Variants in LARGE1 observed in about 807,000 individuals in gnomAD.
LARGE1 encodes the protein xylosyl- and glucuronyltransferase LARGE1.
LARGE1 carries 43 observed loss-of-function variants against 87.6 expected under a neutral mutation model. The ratio of observed to expected loss-of-function variants is 0.49; its 90% CI spans 0.38 to 0.63. The LOEUF (loss-of-function observed/expected upper bound fraction) is 0.63. LARGE1 is among the 30% of genes least tolerant of loss of function. The pLI is 0.00. For missense variants in LARGE1, 802 were observed against 1,000.2 expected (o/e 0.80, Z 2.67); for synonymous variants, 434 against 394.6 (o/e 1.10, Z -1.18).
chr22:33,679,472 A>G (rs921058522), intron 2 of LARGE1, among the ~76,000 whole-genome samples: 7 of 151,412 alleles, frequency 4.6e-5, no homozygotes, highest in Non-Finnish European at 8.9e-5. Flanking sequence ...ACACACGCAC[A>G]CACACACACA....
At position 33,272,675 on chromosome 22, in the gene LARGE1, C is replaced by T. The variant is rs946459459; in HGVS notation, c.*1752G>A. On this transcript the variant is annotated 3_prime_UTR_variant, in exon 15 of 15. Transcript: ENST00000397394. ...AGTCCTAATGGTAATTTTCCTAATT[C>T]TTGTATAAATTTCCGTGTAACATCC... is the stretch of plus-strand genomic sequence containing the variant. Among the ~76,000 whole-genome samples the T allele has an allele frequency of 6.6e-6, 1 of 152,266 alleles. No homozygotes were observed. Among genetic ancestry groups the T allele is most frequent in the South Asian group, 2.1e-4 (1 of 4,826 alleles).
chr22:33,149,124 G>A, the LARGE1 span, among the ~76,000 whole-genome samples: 1 of 148,944 alleles, frequency 6.7e-6, no homozygotes, highest in Non-Finnish European at 1.5e-5. Flanking sequence ...TGCAATCTCC[G>A]CCTCCTGGTT....
intron 2 of LARGE1, chr22:33,732,589 A>G (rs1471091064): frequency 6.6e-6 from 1 of 152,330 alleles, no homozygotes; most frequent in Admixed American, 6.5e-5. Flanking sequence ...TCACTGACAC[A>G]TGCACAGTGC....
chr22:33,369,083 A>T (rs780153723), intron 9 of LARGE1, among the ~76,000 whole-genome samples: 8 of 152,200 alleles, frequency 5.3e-5, no homozygotes, highest in Non-Finnish European at 1.2e-4. Context: ...CTCTGTAGCA[A>T]TTGATGCAGT....
chr22:33,150,312 G>C, the LARGE1 span, among the ~76,000 whole-genome samples: 1 of 151,754 alleles, frequency 6.6e-6, no homozygotes, highest in Non-Finnish European at 1.5e-5. Flanking sequence ...ATTTGAGACT[G>C]ATCTCCCATC....
chr22:33,862,297 A>G (rs2063952655), intron 1 of LARGE1, among the ~76,000 whole-genome samples: 1 of 152,208 alleles, frequency 6.6e-6, no homozygotes, highest in South Asian at 2.1e-4. Flanking sequence ...CTGCCATGGG[A>G]GCAAAGGAAG....
At chr22:33,692,715 T>A (rs1393305579) in intron 2 of LARGE1, among the ~76,000 whole-genome samples, 1 of 152,240 alleles carries the variant, frequency 6.6e-6, no homozygotes, top group Non-Finnish European at 1.5e-5. Flanking sequence ...GTTCTGTAAC[T>A]CAATATTTAT....
chr22:33,110,922 A>G, the LARGE1 span, among the ~76,000 whole-genome samples: 1 of 152,210 alleles, frequency 6.6e-6, no homozygotes, highest in African/African-American at 2.4e-5. Context: ...AAAACAACAA[A>G]GGGGAAAATT....
intron 12 of LARGE1, among the ~76,000 whole-genome samples, chr22:33,297,979 CA>C (rs757656914): frequency 0.1 from 5,036 of 48,756 alleles, 144 homozygotes; most frequent in African/African-American, 0.26. Flanking sequence ...GACATCATCT[CA>C]AAAAAAAAAA....
chr22:33,118,449 G>T, the LARGE1 span, among the ~76,000 whole-genome samples: 15 of 150,538 alleles, frequency 1.0e-4, no homozygotes, highest in Non-Finnish European at 1.9e-4. Context: ...CCATGATCAT[G>T]CCACTGCACT....
intron 7 of LARGE1, among the ~76,000 whole-genome samples, chr22:33,429,386 C>T (rs1325246942): frequency 2.0e-5 from 3 of 152,108 alleles, no homozygotes; most frequent in Non-Finnish European, 2.9e-5. Flanking sequence ...TCAGTACCAG[C>T]GAGGAGGGAA....
intron 1 of LARGE1, among the ~76,000 whole-genome samples, chr22:33,792,962 C>T (rs1569449074): frequency 6.6e-6 from 1 of 152,168 alleles, no homozygotes; most frequent in Non-Finnish European, 1.5e-5. Context: ...GACCAAGTAC[C>T]ATCTCCTTTA....
In LARGE1 at chr22:33,416,906, C is replaced by CTTTTTTTTTTTTTTTTTTT. The variant is rs35018256; in HGVS notation, c.892+15236_892+15254dup. Among the ~76,000 whole-genome samples the CTTTTTTTTTTTTTTTTTTT allele has an allele frequency of 1.4e-4, 13 of 90,148 alleles. 2 individuals are homozygous for CTTTTTTTTTTTTTTTTTTT. Among genetic ancestry groups the CTTTTTTTTTTTTTTTTTTT allele is most frequent in the African/African-American group, 4.6e-4 (8 of 17,438 alleles). 59.1% of individuals were successfully genotyped at this position (90,148 alleles called of 152,430 possible). On this transcript the variant is annotated intron_variant, in intron 7 of 14. Transcript: ENST00000397394. ...ACAGGTGTGAGGCACCACGCCCGGA[C>CTTTTTTTTTTTTTTTTTTT]TTTTTTTTTTTTTTTTTTTGAGACA...
At chr22:33,086,165 CTGT>C in the LARGE1 span, among the ~76,000 whole-genome samples, 1 of 152,108 alleles carries the variant, frequency 6.6e-6, no homozygotes, top group Admixed American at 6.5e-5. Context: ...TAGTATCAGT[CTGT>C]TGTTTTAAAT....
intron 6 of LARGE1, among the ~76,000 whole-genome samples, chr22:33,505,516 C>T (rs900710686): frequency 4.6e-5 from 7 of 152,184 alleles, no homozygotes; most frequent in Non-Finnish European, 8.8e-5. Context: ...ATGCCTCACA[C>T]ATCTGAAGGG....
chr22:33,731,463 G>T (rs115721607), intron 2 of LARGE1, among the ~76,000 whole-genome samples: 1 of 152,124 alleles, frequency 6.6e-6, no homozygotes, highest in Non-Finnish European at 1.5e-5. Context: ...AGTTGTATTC[G>T]TCAGAGCTGT....
At chr22:33,264,841 C>T (rs1420469786) in intron 11 of LARGE1, among the ~76,000 whole-genome samples, 4 of 149,022 alleles carry the variant, frequency 2.7e-5, no homozygotes, top group African/African-American at 7.4e-5. Flanking sequence ...AAGAATCCTG[C>T]TAAGTCATTT....
At chr22:33,458,593 T>C (rs2068239689) in intron 6 of LARGE1, among the ~76,000 whole-genome samples, 2 of 151,840 alleles carry the variant, frequency 1.3e-5, no homozygotes, top group African/African-American at 4.8e-5. Flanking sequence ...GCCCGGCTAA[T>C]GTTTTCGTAT....
chr22:33,635,220 C>G (rs1224562433), intron 3 of LARGE1, among the ~76,000 whole-genome samples: 1 of 152,046 alleles, frequency 6.6e-6, no homozygotes, highest in Non-Finnish European at 1.5e-5. Context: ...GGAATGCAGA[C>G]CGTACAGGGG....
Sources: gnomAD v4.1 joint callset for allele counts (sites outside exome capture counted in the v4.1 genomes callset) on GRCh38, gnomAD v4.1.1 for gene constraint, MANE v1.5 for transcripts, NCBI Gene and HGNC (gene_info 2026-07-23, HGNC 2026-07-21) for gene names.